The following CCDC78 variants were observed in gnomAD, a reference collection of about 807,000 sequenced individuals.
The protein encoded by CCDC78 is coiled-coil domain-containing protein 78.
A neutral mutation model predicts 61.9 loss-of-function variants in CCDC78; 78 were observed. That is an observed-to-expected ratio of 1.26 (90% CI 1.05 to 1.52). CCDC78 has a LOEUF of 1.52. CCDC78 is among the 40% of genes most tolerant of loss of function. CCDC78 has a pLI of 0.00. For synonymous variants in CCDC78, 287 were observed against 251.9 expected, an observed-to-expected ratio of 1.14 and a Z score of -1.32; for missense variants, 737 against 615.5, an observed-to-expected ratio of 1.20 and a Z score of -2.09.
intron 4 of CCDC78, 55 bp from the exon 5 acceptor site, chr16:725,348 T>G: frequency 6.2e-7 from 1 of 1,611,278 alleles, no homozygotes. Flanking sequence ...CCAGTTTCAC[T>G]GAGGCCCCTG....
At position 723,866 on chromosome 16, in the gene CCDC78, G is replaced by C. The variant is rs1475409165; in HGVS notation, c.1124C>G (p.Ser375Ter). 1.3e-6 allele frequency: 2 copies of C among 1,590,892 alleles called. No individual in the cohort carries two copies. The highest frequency in any genetic ancestry group is 1.8e-5 in the Admixed American group (1 of 56,988). The change falls in exon 11 of 14, where the codon TCA (serine) becomes TGA (stop). Residue 375 changes from serine to a stop codon, truncating the protein, a stop_gained. Transcript: ENST00000345165. LOFTEE classifies it high-confidence loss of function. ...RPGGASQGGTSEPQGLDAASW... is the reference protein window; with the variant it reads ...RPGGASQGGT ...CCATGAGGGCACTCACTGTGGCTCT[G>C]ATGTTCCCCCCTGGGAGGCTCCACC... is the stretch of plus-strand genomic sequence containing the variant.
At position 722,938 on chromosome 16, in the gene CCDC78, C is replaced by T. The variant is rs2040358501; in HGVS notation, c.1285G>A (p.Asp429Asn). The T allele has an allele frequency of 1.2e-6, 2 of 1,612,322 alleles. No homozygotes were observed. Among genetic ancestry groups the T allele is most frequent in the Non-Finnish European group, 1.7e-6 (2 of 1,179,988 alleles). ...TCTGCCCACCTGCCCAGGTGCTGGT[C>T]CACGTACTCCTGTAGCTCAGAAAGT... ...EQLSELQEYVDQHLGRYKHEI... is the reference protein window; with the variant it reads ...EQLSELQEYVNQHLGRYKHEI... The change falls in exon 13 of 14, where the codon GAC becomes AAC. Residue 429 changes from aspartate (D) to asparagine (N), a missense_variant. Asp to Asn is a conservative substitution (Grantham distance 23, BLOSUM62 1). Coordinates refer to ENST00000345165, the MANE Select transcript of CCDC78 (RefSeq NM_001378030.1).
At chr16:724,877 T>C in intron 7 of CCDC78, 34 bp downstream of exon 7, 1 of 1,597,774 alleles carries the variant, frequency 6.3e-7, no homozygotes, top group East Asian at 2.3e-5. Context: ...GCCCCCACCC[T>C]CCAGGTCTCC....
rs62032517 is a variant in CCDC78 at position 726,239 on chromosome 16, C to T, written c.60+69G>A. ...GGCCCAGGGTGCAGGAACCTGCACC[C>T]TCCTGGCCTTTGGGGGAACGGGCAG... On this transcript the variant is annotated intron_variant, in intron 1 of 13. Transcript: ENST00000345165. 113,623 of 1,549,876 alleles carry T rather than the reference C, an allele frequency of 0.073. 4,840 individuals are homozygous for T. The highest frequency in any genetic ancestry group is 0.084 in the Non-Finnish European group (96,585 of 1,146,826).
intron 11 of CCDC78, 122 bp from the exon 12 acceptor site, chr16:723,283 A>C: frequency 9.2e-7 from 1 of 1,089,490 alleles, no homozygotes; most frequent in Non-Finnish European, 1.4e-6. Flanking sequence ...TGAGTGAGGG[A>C]GGCATGGGCC....
In CCDC78 at chr16:725,551, C is replaced by T. The variant is rs200859995; in HGVS notation, c.297G>A (p.Glu99=). 1.9e-6 allele frequency: 3 copies of T among 1,610,976 alleles called. No individual in the cohort carries two copies. The African/African-American group carries it at 4.0e-5, about 21-fold the overall frequency. The change falls in exon 4 of 14, where the codon GAG becomes GAA. Residue 99 remains glutamate, a synonymous_variant. Transcript: ENST00000345165. ...EILRLESRVL[E]LELRGDGTSQ... The stretch of plus-strand genomic sequence containing the variant: ...TGGTGCCATCTCCTCGCAGCTCCAG[C>T]TCCAGTACCCGGCTCTCCAGCCGAA...
rs150304459 is a variant in CCDC78, at chr16:723,105, C to T, written c.1190G>A (p.Arg397His). 654 of 1,612,698 alleles carry T rather than the reference C, an allele frequency of 4.1e-4. 2 individuals carry two copies. The African/African-American group carries it at 7.8e-3, about 19-fold the overall frequency. ...QIHQKLRDFS[R>H]STQAELERER... is the part of the protein sequence containing the mutation. ...GCCCTTGCCTCCTACCTGGGTGCTG[C>T]GGGAGAAGTCCCGGAGCTTCTGGTG... Residue 397 changes from arginine to histidine, a missense_variant, in exon 12 of 14, where the codon CGC becomes CAC. Transcript: ENST00000345165.
In CCDC78 at chr16:724,150, A is replaced by G. The variant is rs752141177; in HGVS notation, c.1009T>C (p.Leu337=). The change falls in exon 10 of 14, where the codon TTG becomes CTG. Residue 337 remains leucine (L), a synonymous_variant. Transcript: ENST00000345165. ...FDIASLDLEP[L]PVPLVTDFSH... ...AAGTCAGTGACCAGGGGCACGGGCA[A>G]TGGTTCCAGGTCCAAGCTGGCTATG... 8 of 1,605,636 alleles carry G rather than the reference A, an allele frequency of 5.0e-6. No individual in the cohort carries two copies. In the Admixed American group the frequency reaches 1.4e-4, roughly 27 times the overall value.
chr16:725,507 G>C lies in CCDC78; in HGVS notation c.341C>G (p.Pro114Arg), dbSNP rs749051279. 2 of 1,612,568 alleles carry C rather than the reference G, an allele frequency of 1.2e-6. No individual in the cohort carries two copies. The highest frequency in any genetic ancestry group is 3.3e-5 in the Admixed American group (2 of 60,014). ...GGGATGCCTGGGGTCAGACTCCACT[G>C]GGACTGCACAGCCCTGGCTGGTGCC... ...GDGTSQGCAV[P>R]VESDPRHPRA... The change falls in exon 4 of 14, where the codon CCA becomes CGA. Residue 114 changes from proline to arginine, a missense_variant. Pro to Arg is a moderately radical substitution (Grantham distance 103, BLOSUM62 -2). Coordinates refer to ENST00000345165, the MANE Select transcript of CCDC78 (RefSeq NM_001378030.1).
At chr16:723,202 G>A in intron 11 of CCDC78, 41 bp from the exon 12 acceptor site, 2 of 1,599,360 alleles carry the variant, frequency 1.3e-6, no homozygotes, top group Non-Finnish European at 8.5e-7. Context: ...TTGAGAGCTG[G>A]CATGGTGACA....
At chr16:725,363 G>C (rs1567323295) in intron 4 of CCDC78, 50 bp downstream of exon 4, 1 of 1,611,672 alleles carries the variant, frequency 6.2e-7, no homozygotes, top group South Asian at 1.1e-5. Flanking sequence ...CCCCTGCTGA[G>C]GCTTCCCTCT....
chr16:725,872 C>G lies in CCDC78; in HGVS notation c.189G>C (p.Lys63Asn). The change falls in exon 3 of 14, where the codon AAG becomes AAC. Residue 63 changes from lysine (K) to asparagine (N), a missense_variant. Coordinates refer to ENST00000345165, the MANE Select transcript of CCDC78 (RefSeq NM_001378030.1). Reference protein sequence around the residue: ...LNKEQQLQISKELVDIQITTH... With the variant: ...LNKEQQLQISNELVDIQITTH... ...TTGTGATCTGAATGTCGACCAGCTC[C>G]TTGGAGATCTGTGGGTGGCCAGGTG... 1 of 1,610,298 alleles carries G rather than the reference C, an allele frequency of 6.2e-7. No homozygotes were observed.
chr16:725,850 T>C lies in CCDC78; in HGVS notation c.211A>G (p.Thr71Ala), dbSNP rs750616701. ...ISKELVDIQI[T>A]THHLHEQHEA... ...TGCTGCTCATGTAGGTGGTGGGTTGTGATCTGAATGTCGACCAGCTCCTTG... is the reference window on the plus strand; with the variant it reads ...TGCTGCTCATGTAGGTGGTGGGTTGCGATCTGAATGTCGACCAGCTCCTTG... Residue 71 changes from threonine to alanine, a missense_variant, in exon 3 of 14, where the codon ACA (threonine) becomes GCA (alanine). By Grantham distance (58) the Thr-to-Ala change is moderately conservative. Coordinates refer to ENST00000345165, the MANE Select transcript of CCDC78 (RefSeq NM_001378030.1). The C allele has an allele frequency of 1.9e-6, 3 of 1,611,412 alleles. No homozygotes were observed. Among genetic ancestry groups the C allele is most frequent in the Non-Finnish European group, 2.5e-6 (3 of 1,179,052 alleles).
Position 725,008 on chromosome 16 carries a change from G to A in CCDC78, c.561-19C>T. 3 of 1,612,324 alleles carry A rather than the reference G, an allele frequency of 1.9e-6. No individual in the cohort carries two copies. The highest frequency in any genetic ancestry group is 2.5e-6 in the Non-Finnish European group (3 of 1,179,698). On this transcript the variant is annotated intron_variant, in intron 6 of 13. Transcript: ENST00000345165. ...GGTTGCCCTGAAGACACGGGGGTGAGGCTCAGCAGGCCCACGATCAGGGGT... is the reference window on the plus strand; with the variant it reads ...GGTTGCCCTGAAGACACGGGGGTGAAGCTCAGCAGGCCCACGATCAGGGGT...
In CCDC78 at chr16:722,926, C is replaced by T; in HGVS notation, c.1297G>A (p.Gly433Ser). 6.2e-7 allele frequency: 1 copy of T among 1,612,236 alleles called. No homozygotes were observed. The change falls in exon 13 of 14, where the codon GGC becomes AGC. Residue 433 changes from glycine to serine, a missense_variant. By Grantham distance (56) the Gly-to-Ser change is moderately conservative. Transcript: ENST00000345165. ...CACCCAGCTCCCTCTGCCCACCTGC[C>T]CAGGTGCTGGTCCACGTACTCCTGT... ...ELQEYVDQHL[G>S]RYKHEILRLR... is the part of the protein sequence containing the mutation.
Position 725,981 on chromosome 16 carries a change from C to A in CCDC78, c.165G>T (p.Lys55Asn), listed in dbSNP as rs371931071. 9 of 1,552,886 alleles carry A rather than the reference C, an allele frequency of 5.8e-6. No individual in the cohort carries two copies. In the East Asian group the frequency reaches 1.9e-4, roughly 33 times the overall value. ...CCACACCCACCTGCAGCTGCTGCTC[C>A]TTATTGAGCGCTAGATCTGGTGGGA... ...AEVPPDLALN[K>N]EQQLQISKEL... Residue 55 changes from lysine to asparagine, a missense_variant, in exon 2 of 14, where the codon AAG becomes AAT. By Grantham distance (94) the Lys-to-Asn change is moderately conservative (BLOSUM62 0). Transcript: ENST00000345165.
At position 724,323 on chromosome 16, in the gene CCDC78, T is replaced by A; in HGVS notation, c.952A>T (p.Arg318Trp). 6.2e-7 allele frequency: 1 copy of A among 1,610,422 alleles called. No individual in the cohort carries two copies. The highest frequency in any genetic ancestry group is 8.5e-7 in the Non-Finnish European group (1 of 1,178,206). The change falls in exon 9 of 14, where the codon AGG becomes TGG. Residue 318 changes from arginine to tryptophan, a missense_variant and splice_region_variant. Arg to Trp is a moderately radical substitution (Grantham distance 101). Transcript: ENST00000345165. ...ACCTCCCATCCCAGCGGGGCCCACCTGTAGGCAACCAGTAGCTCTTCATGC... is the reference window on the plus strand; with the variant it reads ...ACCTCCCATCCCAGCGGGGCCCACCAGTAGGCAACCAGTAGCTCTTCATGC... The part of the protein sequence containing the change: ...RRHEELLVAY[R>W]APGNPQAIFD...
chr16:724,280 G>A (rs1465186702), intron 9 of CCDC78, 42 bp downstream of exon 9: 5 of 1,599,086 alleles, frequency 3.1e-6, no homozygotes, highest in South Asian at 2.2e-5. Flanking sequence ...GAGGCTTAGA[G>A]ACCCACAGAT....
rs143439721 is a variant in CCDC78, at chr16:724,735, C to G, written c.711G>C (p.Lys237Asn). Reference sequence around the variant, plus strand: ...GTAGGACGTACTCATCCTTCAGTTTCTTGAGCTGCAGCTGCAGCCGGGCAT... The same window carrying G: ...GTAGGACGTACTCATCCTTCAGTTTGTTGAGCTGCAGCTGCAGCCGGGCAT... Reference protein sequence around the residue: ...AENARLQLQLKKLKDEYVLRL... With the variant: ...AENARLQLQLNKLKDEYVLRL... Residue 237 changes from lysine to asparagine, a missense_variant, in exon 8 of 14, where the codon AAG (lysine) becomes AAC (asparagine). Transcript: ENST00000345165. The G allele has an allele frequency of 5.0e-5, 80 of 1,612,216 alleles. No individual in the cohort carries two copies. The highest frequency in any genetic ancestry group is 6.3e-5 in the Non-Finnish European group (74 of 1,179,864).
Sources: allele counts gnomAD v4.1 joint callset, GRCh38; gene constraint gnomAD v4.1.1; transcripts MANE v1.5; gene names NCBI Gene and HGNC (gene_info 2026-07-23, HGNC 2026-07-21).